The following CEP128 variants were observed in gnomAD, a reference collection of about 807,000 sequenced individuals.
The protein encoded by CEP128 is centrosomal protein 128.
Under a neutral mutation model 156.7 loss-of-function variants are expected in CEP128, and 132 were observed. The ratio of observed to expected loss-of-function variants is 0.84; its 90% confidence interval spans 0.73 to 0.97. CEP128 has a LOEUF of 0.97. Ranked by LOEUF, CEP128 falls within the 50% of genes least tolerant of loss-of-function variation. The pLI is 0.00. For missense variants in CEP128, 1,252 were observed against 1,281.9 expected (o/e 0.98, Z 0.36); for synonymous variants, 469 against 448.9 (o/e 1.04, Z -0.57).
At chr14:80,828,210 G>A (rs1174283712) in intron 13 of CEP128, among the ~76,000 whole-genome samples, 4 of 139,848 alleles carry the variant, frequency 2.9e-5, no homozygotes, top group East Asian at 4.3e-4. Context: ...TGCAACCTCC[G>A]CCCCCAGGTT....
intron 22 of CEP128, among the ~76,000 whole-genome samples, chr14:80,528,937 A>G (rs1045408010): frequency 6.6e-6 from 1 of 152,206 alleles, no homozygotes; most frequent in Non-Finnish European, 1.5e-5. Flanking sequence ...TTAAGGCTAT[A>G]TCTAGTCATT....
intron 20 of CEP128, among the ~76,000 whole-genome samples, chr14:80,577,447 T>C (rs143247660): frequency 4.9e-4 from 75 of 152,314 alleles, no homozygotes; most frequent in East Asian, 1.7e-3. Context: ...ATCTGTGAAG[T>C]TGCCGAATCG....
chr14:80,637,497 G>A (rs192065160), intron 19 of CEP128, among the ~76,000 whole-genome samples: 146 of 152,266 alleles, frequency 9.6e-4, no homozygotes, highest in East Asian at 4.6e-3. Context: ...TAAGGGCTGC[G>A]TTTGCTTTTT....
intron 19 of CEP128, among the ~76,000 whole-genome samples, chr14:80,721,380 C>T (rs140911409): frequency 7.6e-4 from 116 of 152,216 alleles, no homozygotes; most frequent in African/African-American, 2.4e-3. Flanking sequence ...TAGCCATGAG[C>T]CACATATGAC....
chr14:80,723,224 A>G (rs537003924), intron 19 of CEP128, among the ~76,000 whole-genome samples: 10 of 152,290 alleles, frequency 6.6e-5, no homozygotes, highest in Non-Finnish European at 1.5e-4. Context: ...CAGAATCCTT[A>G]AAGGTGAAAT....
chr14:80,515,518 T>C (rs184658358), intron 23 of CEP128, among the ~76,000 whole-genome samples: 5 of 152,118 alleles, frequency 3.3e-5, no homozygotes, highest in African/African-American at 9.7e-5. Flanking sequence ...CTACTACCGA[T>C]GTTCGCTCAA....
chr14:80,622,762 C>G (rs1248702036), intron 19 of CEP128, among the ~76,000 whole-genome samples: 11 of 150,678 alleles, frequency 7.3e-5, no homozygotes, highest in Non-Finnish European at 1.2e-4. Flanking sequence ...CAATGAGATA[C>G]CATCTCATAC....
chr14:80,527,316 G>T, intron 22 of CEP128: 1 of 406,474 alleles, frequency 2.5e-6, no homozygotes, highest in Non-Finnish European at 5.0e-6. Context: ...TGTAGTCCCA[G>T]CTACTCAGGA....
Position 80,855,718 on chromosome 14 carries a change from G to A in CEP128, c.762+7039C>T, listed in dbSNP as rs996806232. ...GCCTCCACGACTCCAAACAAAGTAG[G>A]GGAGTCTGGAAAGAAAGTGCAGGAA... On this transcript the variant is annotated intron_variant, in intron 9 of 24. Transcript: ENST00000555265. 2.0e-5 allele frequency among the ~76,000 whole-genome samples: 3 copies of A among 152,126 alleles called. No homozygotes were observed. In the South Asian group the frequency reaches 6.2e-4, roughly 32 times the overall value.
At chr14:80,919,736 A>G (rs1158902767) in intron 2 of CEP128, among the ~76,000 whole-genome samples, 1 of 152,174 alleles carries the variant, frequency 6.6e-6, no homozygotes, top group African/African-American at 2.4e-5. Flanking sequence ...ATTATCTCTA[A>G]TCGTCATACA....
At chr14:80,738,915 G>A (rs1021724787) in intron 19 of CEP128, among the ~76,000 whole-genome samples, 4 of 152,160 alleles carry the variant, frequency 2.6e-5, no homozygotes, top group Non-Finnish European at 5.9e-5. Context: ...AGTGAATAGT[G>A]TGCCAGATTC....
At chr14:80,724,871 G>A (rs894293922) in intron 19 of CEP128, among the ~76,000 whole-genome samples, 3 of 150,542 alleles carry the variant, frequency 2.0e-5, no homozygotes, top group African/African-American at 4.9e-5. Flanking sequence ...TCCTTGCCTT[G>A]TTGTTTGCTC....
In CEP128 at chr14:80,598,936, T is replaced by C. The variant is rs568513204; in HGVS notation, c.2807-18513A>G. 5.9e-5 allele frequency among the ~76,000 whole-genome samples: 9 copies of C among 152,304 alleles called. No homozygotes were observed. The South Asian group carries it at 1.7e-3, about 28-fold the overall frequency. On this transcript the variant is annotated intron_variant, in intron 19 of 24. Coordinates refer to ENST00000555265, the MANE Select transcript of CEP128 (RefSeq NM_152446.5). Reference sequence around the variant, plus strand: ...TATAAAAACATGGTAGATCTTCATGTTGATGGAAATGTTCTATATCTTGAC... The same window carrying C: ...TATAAAAACATGGTAGATCTTCATGCTGATGGAAATGTTCTATATCTTGAC...
At chr14:80,727,845 A>T (rs1003200341) in intron 19 of CEP128, among the ~76,000 whole-genome samples, 1 of 152,204 alleles carries the variant, frequency 6.6e-6, no homozygotes, top group Admixed American at 6.5e-5. Context: ...AATGTCTATT[A>T]AAAAATCAAA....
intron 19 of CEP128, among the ~76,000 whole-genome samples, chr14:80,678,052 A>ATATATT: frequency 1.9e-5 from 1 of 52,952 alleles, no homozygotes; most frequent in African/African-American, 3.7e-5. Context: ...AAAAAAAAAT[A>ATATATT]TATATATATA....
At chr14:80,759,745 AT>A in intron 17 of CEP128, among the ~76,000 whole-genome samples, 1 of 152,286 alleles carries the variant, frequency 6.6e-6, no homozygotes, top group Admixed American at 6.5e-5. Flanking sequence ...CTGAAAGCCT[AT>A]AAAAAATTGG....
chr14:80,541,655 T>A (rs1426087275), intron 21 of CEP128, among the ~76,000 whole-genome samples: 1 of 152,188 alleles, frequency 6.6e-6, no homozygotes, highest in Admixed American at 6.5e-5. Context: ...CTTATCTAAA[T>A]ACTGCTAATT....
At chr14:80,893,338 G>C (rs904599176) in intron 8 of CEP128, among the ~76,000 whole-genome samples, 1 of 151,836 alleles carries the variant, frequency 6.6e-6, no homozygotes, top group Non-Finnish European at 1.5e-5. Flanking sequence ...AGAGGGTAGA[G>C]GGGATGAAAT....
chr14:80,780,537 T>TA lies in CEP128; in HGVS notation c.2212-2492dup, dbSNP rs1251787201. On this transcript the variant is annotated intron_variant, in intron 15 of 24. Transcript: ENST00000555265. ...CTCCCAGATCTCAAGCTTTCAAATTTAAAAAAAAAAGAAAAGTCCAAAGGT... is the reference window on the plus strand; with the variant it reads ...CTCCCAGATCTCAAGCTTTCAAATTTAAAAAAAAAAAGAAAAGTCCAAAGGT... Among the ~76,000 whole-genome samples, 265 of 148,032 alleles carry TA rather than the reference T, an allele frequency of 1.8e-3. 2 individuals carry two copies. Among genetic ancestry groups the TA allele is most frequent in the African/African-American group, 6.1e-3 (245 of 40,404 alleles).
Sources: gnomAD v4.1 joint callset for allele counts (sites outside exome capture counted in the v4.1 genomes callset) on GRCh38, gnomAD v4.1.1 for gene constraint, MANE v1.5 for transcripts, NCBI Gene and HGNC (gene_info 2026-07-23, HGNC 2026-07-21) for gene names.